The following KIAA1328 variants were observed in gnomAD, a reference collection of about 807,000 sequenced individuals.
The protein encoded by KIAA1328 is KIAA1328.
KIAA1328 carries 52 observed loss-of-function variants against 68.1 expected under a neutral mutation model. The observed-to-expected ratio is 0.76, with a 90% CI of 0.61 to 0.96. The LOEUF (loss-of-function observed/expected upper bound fraction) is 0.96. Ranked by LOEUF, KIAA1328 falls within the 40% of genes least tolerant of loss-of-function variation. The pLI is 0.00. For synonymous variants in KIAA1328, 232 were observed against 239.4 expected, an observed-to-expected ratio of 0.97 and a Z score of 0.28; for missense variants, 641 against 677.6, an observed-to-expected ratio of 0.95 and a Z score of 0.60.
intron 5 of KIAA1328, among the ~76,000 whole-genome samples, chr18:36,908,984 C>A (rs1040974591): frequency 6.6e-6 from 1 of 152,124 alleles, no homozygotes; most frequent in Non-Finnish European, 1.5e-5. Flanking sequence ...GAATCAGAGT[C>A]TATGTGGTAC....
intron 6 of KIAA1328, among the ~76,000 whole-genome samples, chr18:36,989,999 C>A (rs2053110665): frequency 6.6e-6 from 1 of 152,072 alleles, no homozygotes; most frequent in African/African-American, 2.4e-5. Context: ...AGCCAGTATA[C>A]TACTTTTTAA....
chr18:36,927,888 G>T (rs1001629662), intron 5 of KIAA1328, among the ~76,000 whole-genome samples: 2 of 152,068 alleles, frequency 1.3e-5, no homozygotes, highest in African/African-American at 4.8e-5. Flanking sequence ...AAAGAGAAAA[G>T]AGAGAGAAAG....
chr18:36,864,271 T>C (rs2047666873), intron 4 of KIAA1328, among the ~76,000 whole-genome samples: 1 of 152,148 alleles, frequency 6.6e-6, no homozygotes, highest in Admixed American at 6.5e-5. Flanking sequence ...TGAATCAGCC[T>C]TGCGTACCTG....
intron 5 of KIAA1328, among the ~76,000 whole-genome samples, chr18:36,932,857 T>C (rs1224506203): frequency 6.6e-6 from 1 of 152,194 alleles, no homozygotes; most frequent in Non-Finnish European, 1.5e-5. Flanking sequence ...TGTTTATATA[T>C]TAGTAAACAA....
intron 5 of KIAA1328, among the ~76,000 whole-genome samples, chr18:36,912,478 T>C (rs2049492923): frequency 6.6e-6 from 1 of 152,188 alleles, no homozygotes; most frequent in Admixed American, 6.5e-5. Context: ...AATCTTCTCA[T>C]TCCTAATTTA....
intron 5 of KIAA1328, among the ~76,000 whole-genome samples, chr18:36,887,866 T>C (rs1360790841): frequency 6.6e-6 from 1 of 152,128 alleles, no homozygotes; most frequent in African/African-American, 2.4e-5. Flanking sequence ...TACAGTGGAA[T>C]TGGGATGAGT....
intron 1 of KIAA1328, among the ~76,000 whole-genome samples, chr18:36,830,776 G>C (rs910973256): frequency 6.6e-6 from 1 of 151,996 alleles, no homozygotes; most frequent in Non-Finnish European, 1.5e-5. Flanking sequence ...TAAAATATTC[G>C]TCCTCTCATA....
downstream of KIAA1328, chr18:37,229,715 G>C: frequency 5.8e-6 from 2 of 344,518 alleles, no homozygotes; most frequent in Admixed American, 4.7e-5. Flanking sequence ...TCTGTATTTT[G>C]TATTTGTAAA....
chr18:36,912,328 T>G (rs181099974), intron 5 of KIAA1328, among the ~76,000 whole-genome samples: 3 of 152,228 alleles, frequency 2.0e-5, no homozygotes, highest in Non-Finnish European at 2.9e-5. Flanking sequence ...TTCCTTTCTG[T>G]CTCTTCTTCA....
intron 8 of KIAA1328, among the ~76,000 whole-genome samples, chr18:37,172,293 T>C (rs2059515535): frequency 6.6e-6 from 1 of 152,212 alleles, no homozygotes; most frequent in African/African-American, 2.4e-5. Context: ...GTTTAGAAAC[T>C]AATAATAACT....
intron 9 of KIAA1328, among the ~76,000 whole-genome samples, chr18:37,194,909 T>G (rs772693610): frequency 4.9e-4 from 74 of 152,314 alleles, no homozygotes; most frequent in Non-Finnish European, 7.4e-4. Context: ...TCCACACACC[T>G]TGGCCTCCCA....
At chr18:37,082,366 T>A (rs1274661422) in intron 7 of KIAA1328, among the ~76,000 whole-genome samples, 1 of 152,062 alleles carries the variant, frequency 6.6e-6, no homozygotes, top group African/African-American at 2.4e-5. Flanking sequence ...GAAATGGGAT[T>A]TCACCATGTT....
chr18:37,188,669 GCCTCACCACAGT>G (rs2059847880), intron 9 of KIAA1328, among the ~76,000 whole-genome samples: 1 of 152,158 alleles, frequency 6.6e-6, no homozygotes, highest in African/African-American at 2.4e-5. Context: ...GTAAGTTTAT[GCCTCACCACAGT>G]CCTCACCACA....
intron 6 of KIAA1328, among the ~76,000 whole-genome samples, chr18:36,975,327 C>T (rs1393348192): frequency 1.3e-5 from 2 of 151,064 alleles, no homozygotes; most frequent in South Asian, 2.1e-4. Flanking sequence ...GGACTACAGG[C>T]GCCCGCCACT....
intron 5 of KIAA1328, among the ~76,000 whole-genome samples, chr18:36,905,968 T>G (rs557812766): frequency 9.8e-5 from 15 of 152,292 alleles, no homozygotes; most frequent in Admixed American, 9.2e-4. Flanking sequence ...AGTGCCAGTA[T>G]AGGTTTATAG....
At chr18:37,082,729 G>A (rs1356973700) in intron 7 of KIAA1328, among the ~76,000 whole-genome samples, 3 of 152,146 alleles carry the variant, frequency 2.0e-5, no homozygotes, top group South Asian at 2.1e-4. Context: ...CATGATTGCC[G>A]ATAACAACTT....
rs2058270528 is a variant in KIAA1328 at position 37,121,480 on chromosome 18, A to G, written c.1233-38720A>G. Among the ~76,000 whole-genome samples the G allele has an allele frequency of 2.0e-5, 3 of 152,060 alleles. No individual in the cohort carries two copies. The South Asian group carries it at 6.2e-4, about 32-fold the overall frequency. On this transcript the variant is annotated intron_variant, in intron 7 of 9. Transcript: ENST00000280020. ...TATCTATGCATCTATCGATCTATCT[A>G]TCCATCTATCGTTACAAATAACCAA...
intron 6 of KIAA1328, among the ~76,000 whole-genome samples, chr18:37,008,088 GTT>G (rs914631000): frequency 6.6e-6 from 1 of 152,208 alleles, no homozygotes; most frequent in East Asian, 1.9e-4. Context: ...CAGTTTCCAA[GTT>G]TTTTCTCCCT....
chr18:37,058,904 G>T (rs1370211330), intron 6 of KIAA1328, among the ~76,000 whole-genome samples: 4 of 147,738 alleles, frequency 2.7e-5, no homozygotes, highest in African/African-American at 5.0e-5. Flanking sequence ...TGCAAGTTGT[G>T]TTTTTTTTTT....
Sources: gnomAD v4.1 joint callset for allele counts (sites outside exome capture counted in the v4.1 genomes callset) on GRCh38, gnomAD v4.1.1 for gene constraint, MANE v1.5 for transcripts, NCBI Gene and HGNC (gene_info 2026-07-23, HGNC 2026-07-21) for gene names.